EPHA5: variants seen among roughly 807,000 people sequenced by gnomAD.
EPHA5 encodes the protein ephrin type-A receptor 5.
Under a neutral mutation model 105.0 loss-of-function variants are expected in EPHA5, and 60 were observed. The observed-to-expected ratio is 0.57, with a 90% CI of 0.46 to 0.71. The LOEUF (loss-of-function observed/expected upper bound fraction) is 0.71, where lower values mean the gene tolerates loss of function less well. Ranked by LOEUF, EPHA5 falls within the 30% of genes least tolerant of loss-of-function variation. EPHA5 has a pLI of 0.00. For synonymous variants in EPHA5, 513 were observed against 449.1 expected (o/e 1.14, Z -1.80); for missense variants, 1,218 against 1,274.7 (o/e 0.96, Z 0.68).
chr4:65,337,157 A>G (rs769545972), intron 14 of EPHA5, among the ~76,000 whole-genome samples: 13 of 152,132 alleles, frequency 8.5e-5, no homozygotes, highest in Non-Finnish European at 1.9e-4. Flanking sequence ...GGTATAAAAT[A>G]TATAATGATC....
At chr4:65,338,290 T>C (rs562995668) in intron 14 of EPHA5, among the ~76,000 whole-genome samples, 12 of 152,104 alleles carry the variant, frequency 7.9e-5, no homozygotes, top group Non-Finnish European at 1.3e-4. Flanking sequence ...ACAGTTTTTA[T>C]TCCCTTTAAC....
chr4:65,550,508 A>G (rs1578400837), intron 3 of EPHA5, among the ~76,000 whole-genome samples: 1 of 152,182 alleles, frequency 6.6e-6, no homozygotes, highest in East Asian at 1.9e-4. Flanking sequence ...TTTTTCTGCC[A>G]CTCATATCCA....
Position 65,348,222 on chromosome 4 carries a change from TA to T in EPHA5, c.2446-20del. 2 of 1,606,074 alleles carry T rather than the reference TA, an allele frequency of 1.2e-6. No homozygotes were observed. Among genetic ancestry groups the T allele is most frequent in the Non-Finnish European group, 1.7e-6 (2 of 1,176,666 alleles). ...TTCCTCCCTAAAATTGAAAAAGATT[TA>T]AAAAACTTCCTACATACTTCAAATG... On this transcript the variant is annotated intron_variant, in intron 13 of 16. Transcript: ENST00000613740.
At chr4:65,516,579 CAT>C (rs537658462) in intron 3 of EPHA5, among the ~76,000 whole-genome samples, 29 of 151,884 alleles carry the variant, frequency 1.9e-4, no homozygotes, top group African/African-American at 6.8e-4. Flanking sequence ...TGCGCGCGTG[CAT>C]ATGTCTGTGT....
chr4:65,564,735 A>T (rs907843812), intron 3 of EPHA5, among the ~76,000 whole-genome samples: 1 of 151,756 alleles, frequency 6.6e-6, no homozygotes. Context: ...TAATGGAAAA[A>T]AATGAAGTAT....
intron 5 of EPHA5, among the ~76,000 whole-genome samples, chr4:65,486,270 C>T (rs1730871102): frequency 6.6e-6 from 1 of 151,662 alleles, no homozygotes; most frequent in Admixed American, 6.6e-5. Context: ...TTTACACCCC[C>T]CCACCCCCAT....
In EPHA5 at chr4:65,469,440, G is replaced by A. The variant is rs58675075; in HGVS notation, c.1402+20937C>T. Among the ~76,000 whole-genome samples, 2,651 of 152,146 alleles carry A rather than the reference G, an allele frequency of 0.017. 109 individuals carry two copies. In the East Asian group the frequency reaches 0.17, roughly 10 times the overall value. On this transcript the variant is annotated intron_variant, in intron 5 of 16. Transcript: ENST00000613740. ...AGTATGAGGTGTAAAATGATGATGA[G>A]TAATGCTCTTTATTGTTTGTATTTT...
chr4:65,655,666 T>C lies in EPHA5; in HGVS notation c.182-12239A>G, dbSNP rs147283280. Among the ~76,000 whole-genome samples, 49 of 152,240 alleles carry C rather than the reference T, an allele frequency of 3.2e-4. No individual in the cohort carries two copies. The East Asian group carries it at 8.3e-3, about 26-fold the overall frequency. ...CAAGGATAAAGATCAGAATTATCTA[T>C]GGGGGTTCTAAAACTACAGATTTCC... is the stretch of plus-strand genomic sequence containing the variant. On this transcript the variant is annotated intron_variant, in intron 1 of 16. Transcript: ENST00000613740.
chr4:65,383,946 G>A (rs1220146062), intron 8 of EPHA5, among the ~76,000 whole-genome samples: 1 of 151,528 alleles, frequency 6.6e-6, no homozygotes, highest in African/African-American at 2.4e-5. Flanking sequence ...TCATATTCTG[G>A]AAAAATATAA....
At chr4:65,401,675 G>T (rs1240740253) in intron 8 of EPHA5, among the ~76,000 whole-genome samples, 3 of 152,068 alleles carry the variant, frequency 2.0e-5, no homozygotes, top group African/African-American at 7.2e-5. Context: ...ATTTTAATAT[G>T]AATGAACAAT....
chr4:65,349,098 G>C (rs1722575435), intron 13 of EPHA5, among the ~76,000 whole-genome samples: 1 of 151,808 alleles, frequency 6.6e-6, no homozygotes, highest in African/African-American at 2.4e-5. Flanking sequence ...TTACAGGCGT[G>C]AGCTACTGGG....
At chr4:65,518,505 A>G (rs1467988172) in intron 3 of EPHA5, among the ~76,000 whole-genome samples, 1 of 151,994 alleles carries the variant, frequency 6.6e-6, no homozygotes, top group East Asian at 1.9e-4. Flanking sequence ...CAAACTTTGC[A>G]ATCACCAACT....
In EPHA5 at chr4:65,424,516, T is replaced by C. The variant is rs1051135167; in HGVS notation, c.1403-3951A>G. On this transcript the variant is annotated intron_variant, in intron 5 of 16. Coordinates refer to ENST00000613740, the MANE Select transcript of EPHA5 (RefSeq NM_001281766.3). Reference sequence around the variant, plus strand: ...GACATCTTATTCTTCAGGTACAATGTCAGGTACAGGGTGGGTGCCAAATAA... The same window carrying C: ...GACATCTTATTCTTCAGGTACAATGCCAGGTACAGGGTGGGTGCCAAATAA... Among the ~76,000 whole-genome samples the C allele has an allele frequency of 2.0e-5, 3 of 152,116 alleles. No homozygotes were observed. The South Asian group carries it at 6.2e-4, about 31-fold the overall frequency.
chr4:65,395,023 A>C (rs1721079422), intron 8 of EPHA5, among the ~76,000 whole-genome samples: 1 of 152,164 alleles, frequency 6.6e-6, no homozygotes, highest in African/African-American at 2.4e-5. Context: ...AGCTGCATTA[A>C]AAACTCTGAC....
At chr4:65,401,904 T>TGA (rs34334792) in intron 8 of EPHA5, among the ~76,000 whole-genome samples, 4,491 of 148,554 alleles carry the variant, frequency 0.03, 52 homozygotes, top group Non-Finnish European at 0.037. Context: ...TGTGTGTGTG[T>TGA]GAGAGAGAGA....
At chr4:65,577,050 G>C (rs1741130707) in intron 3 of EPHA5, among the ~76,000 whole-genome samples, 1 of 152,212 alleles carries the variant, frequency 6.6e-6, no homozygotes, top group Admixed American at 6.5e-5. Context: ...GTTGCTGATA[G>C]AATGTTTACA....
chr4:65,337,389 T>C (rs1577847767), intron 14 of EPHA5, among the ~76,000 whole-genome samples: 1 of 152,232 alleles, frequency 6.6e-6, no homozygotes, highest in East Asian at 1.9e-4. Context: ...TTCCTCTTCC[T>C]GGCCTCTGAT....
intron 14 of EPHA5, among the ~76,000 whole-genome samples, chr4:65,337,262 A>G (rs1196199658): frequency 2.0e-5 from 3 of 152,096 alleles, no homozygotes; most frequent in African/African-American, 4.8e-5. Context: ...GAAAATATAC[A>G]AGAAGTTATT....
chr4:65,476,662 C>T (rs142177110), intron 5 of EPHA5, among the ~76,000 whole-genome samples: 2,257 of 152,082 alleles, frequency 0.015, 28 homozygotes, highest in Middle Eastern at 0.031. Context: ...CAGGATCATT[C>T]GTATCCCAAA....
Sources: gnomAD v4.1 joint callset for allele counts (sites outside exome capture counted in the v4.1 genomes callset) on GRCh38, gnomAD v4.1.1 for gene constraint, MANE v1.5 for transcripts, NCBI Gene and HGNC (gene_info 2026-07-23, HGNC 2026-07-21) for gene names.